The following NEGR1 variants were observed in gnomAD, a reference collection of about 807,000 sequenced individuals.
NEGR1 encodes the protein neuronal growth regulator 1, also known as IgLON family member 4.
In NEGR1, 10 loss-of-function variants were observed where a neutral mutation model predicts 40.9. That is an observed-to-expected ratio of 0.24 (90% CI 0.15 to 0.42). The LOEUF (loss-of-function observed/expected upper bound fraction) is 0.42. NEGR1 is among the 10% of genes least tolerant of loss of function. The pLI, the probability that NEGR1 is intolerant of heterozygous loss-of-function variation, is 1.00. For synonymous variants in NEGR1, 185 were observed against 166.8 expected (o/e 1.11, Z -0.84); for missense variants, 352 against 438.9 (o/e 0.80, Z 1.77).
chr1:72,063,547 C>T (rs1320734321), intron 1 of NEGR1, among the ~76,000 whole-genome samples: 1 of 151,900 alleles, frequency 6.6e-6, no homozygotes, highest in Admixed American at 6.6e-5. Context: ...ATAACAGTGA[C>T]TTTAGAATGA....
At chr1:71,806,793 A>G (rs1657786636) in intron 2 of NEGR1, among the ~76,000 whole-genome samples, 1 of 152,094 alleles carries the variant, frequency 6.6e-6, no homozygotes, top group Non-Finnish European at 1.5e-5. Flanking sequence ...GACTTATCTG[A>G]AATGAAATTG....
At chr1:71,449,824 A>G (rs898359301) in intron 6 of NEGR1, among the ~76,000 whole-genome samples, 1 of 152,158 alleles carries the variant, frequency 6.6e-6, no homozygotes. Flanking sequence ...TAGAACTTCA[A>G]ATCTTAGACC....
intron 4 of NEGR1, among the ~76,000 whole-genome samples, chr1:71,658,649 TTAAA>T (rs1364725409): frequency 1.3e-5 from 2 of 152,140 alleles, no homozygotes; most frequent in Non-Finnish European, 2.9e-5. Context: ...TGTTTAAAAG[TTAAA>T]TAAAGTAATA....
At chr1:71,983,929 C>A (rs546356328) in intron 1 of NEGR1, among the ~76,000 whole-genome samples, 3 of 148,168 alleles carry the variant, frequency 2.0e-5, no homozygotes, top group African/African-American at 7.3e-5. Context: ...TGATTTAAAG[C>A]ATTCATGAAA....
At chr1:71,936,037 G>C (rs571416261) in intron 1 of NEGR1, among the ~76,000 whole-genome samples, 1 of 152,030 alleles carries the variant, frequency 6.6e-6, no homozygotes, top group African/African-American at 2.4e-5. Flanking sequence ...GACCTCAGGC[G>C]ATCCTCCTGC....
rs1660693400 is a variant in NEGR1, at chr1:71,885,275, A to ATTTT, written c.409+49803_409+49804insAAAA. 3.3e-5 allele frequency among the ~76,000 whole-genome samples: 5 copies of ATTTT among 152,324 alleles called. No individual in the cohort carries two copies. The South Asian group carries it at 1.0e-3, about 32-fold the overall frequency. On this transcript the variant is annotated intron_variant, in intron 2 of 6. Transcript: ENST00000357731. The stretch of plus-strand genomic sequence containing the variant: ...CTTCAAATTTAATTACACTTTCTGC[A>ATTTT]TTTCAAACCATTGAGGTACTTATGG...
chr1:71,736,993 G>GTA (rs1272778056), intron 3 of NEGR1, among the ~76,000 whole-genome samples: 1 of 152,162 alleles, frequency 6.6e-6, no homozygotes, highest in Non-Finnish European at 1.5e-5. Flanking sequence ...ATGCAATGTA[G>GTA]TAAAGTTGGG....
chr1:71,673,305 AAGTTAACC>A (rs1358827422), intron 4 of NEGR1, among the ~76,000 whole-genome samples: 1 of 152,144 alleles, frequency 6.6e-6, no homozygotes, highest in Non-Finnish European at 1.5e-5. Flanking sequence ...CTTTGTAAAC[AAGTTAACC>A]AGGCATTGAA....
At chr1:72,062,422 T>G (rs762486626) in intron 1 of NEGR1, among the ~76,000 whole-genome samples, 1 of 151,948 alleles carries the variant, frequency 6.6e-6, no homozygotes. Context: ...TGCTATATCT[T>G]GTACTACATG....
intron 4 of NEGR1, among the ~76,000 whole-genome samples, chr1:71,611,775 G>A (rs947219143): frequency 6.6e-6 from 1 of 152,064 alleles, no homozygotes; most frequent in African/African-American, 2.4e-5. Flanking sequence ...TCTTCTGCCC[G>A]AATGCCGTTG....
chr1:71,451,430 T>A (rs879512142), intron 6 of NEGR1, among the ~76,000 whole-genome samples: 1 of 150,272 alleles, frequency 6.7e-6, no homozygotes, highest in Non-Finnish European at 1.5e-5. Flanking sequence ...GCCTCCTGGG[T>A]TCAAGTGATT....
intron 1 of NEGR1, among the ~76,000 whole-genome samples, chr1:71,962,064 A>G (rs984636993): frequency 5.9e-5 from 9 of 152,112 alleles, no homozygotes; most frequent in African/African-American, 1.9e-4. Flanking sequence ...ACTGTTGGCA[A>G]GTATAAAGTA....
At chr1:72,214,001 A>G (rs1038118653) in intron 1 of NEGR1, among the ~76,000 whole-genome samples, 1 of 152,052 alleles carries the variant, frequency 6.6e-6, no homozygotes, top group Non-Finnish European at 1.5e-5. Flanking sequence ...GCGGCACATC[A>G]AAAAGCTGAT....
chr1:71,560,229 G>T (rs913945097), intron 6 of NEGR1, among the ~76,000 whole-genome samples: 1 of 151,016 alleles, frequency 6.6e-6, no homozygotes, highest in South Asian at 2.1e-4. Context: ...TAAAGATGAG[G>T]AATTTCAGCT....
chr1:71,522,270 T>C (rs927376605), intron 6 of NEGR1, among the ~76,000 whole-genome samples: 3 of 151,978 alleles, frequency 2.0e-5, no homozygotes, highest in Non-Finnish European at 4.4e-5. Context: ...GCAAGGGATG[T>C]TGAATTAGTG....
chr1:72,089,115 T>G (rs1388257105), intron 1 of NEGR1, among the ~76,000 whole-genome samples: 2 of 152,216 alleles, frequency 1.3e-5, no homozygotes, highest in Non-Finnish European at 1.5e-5. Context: ...GTACAGATTC[T>G]GCTTTTCTAA....
At chr1:71,682,667 A>G (rs1472372210) in intron 4 of NEGR1, among the ~76,000 whole-genome samples, 1 of 152,186 alleles carries the variant, frequency 6.6e-6, no homozygotes, top group Non-Finnish European at 1.5e-5. Flanking sequence ...GCTATGATAT[A>G]GTTTCAATGT....
At chr1:71,991,775 G>A (rs911247728) in intron 1 of NEGR1, among the ~76,000 whole-genome samples, 12 of 151,904 alleles carry the variant, frequency 7.9e-5, no homozygotes, top group Admixed American at 7.9e-4. Context: ...GAATGAATGA[G>A]TATAGTATTT....
At chr1:71,520,101 G>C (rs1189947490) in intron 6 of NEGR1, among the ~76,000 whole-genome samples, 1 of 152,044 alleles carries the variant, frequency 6.6e-6, no homozygotes, top group Non-Finnish European at 1.5e-5. Flanking sequence ...TAATTTTTAA[G>C]TTTGTAGGAG....
Sources: gnomAD v4.1 joint callset for allele counts (sites outside exome capture counted in the v4.1 genomes callset) on GRCh38, gnomAD v4.1.1 for gene constraint, MANE v1.5 for transcripts, NCBI Gene and HGNC (gene_info 2026-07-23, HGNC 2026-07-21) for gene names.